Variants in SNX7 observed in about 807,000 individuals in gnomAD.
SNX7 encodes the protein sorting nexin 7.
A neutral mutation model predicts 48.4 loss-of-function variants in SNX7; 35 were observed. That is an observed-to-expected ratio of 0.72 (90% CI 0.55 to 0.96). SNX7 has a LOEUF of 0.96. Among genes scored for constraint, SNX7 ranks in the 40% least tolerant of loss-of-function variants. SNX7 has a pLI of 0.00. For synonymous variants in SNX7, 190 were observed against 190.2 expected (o/e 1.00, Z 0.01); for missense variants, 553 against 548.9 (o/e 1.01, Z -0.07).
At chr1:98,723,490 A>G (rs1437387319) in intron 7 of SNX7, among the ~76,000 whole-genome samples, 4 of 152,154 alleles carry the variant, frequency 2.6e-5, no homozygotes, top group Admixed American at 6.5e-5. Context: ...AGAGAAAAGT[A>G]ATTCACTTTT....
At chr1:98,726,597 T>G (rs1429097398) in intron 7 of SNX7, among the ~76,000 whole-genome samples, 3 of 152,204 alleles carry the variant, frequency 2.0e-5, no homozygotes, top group East Asian at 1.9e-4. Context: ...TTTCATCAAG[T>G]GAATATTTAG....
rs1650701711 is a variant in SNX7 at position 98,684,885 on chromosome 1, G to T, written c.181G>T (p.Asp61Tyr). 4 of 1,478,814 alleles carry T rather than the reference G, an allele frequency of 2.7e-6. No individual in the cohort carries two copies. The highest frequency in any genetic ancestry group is 2.2e-5 in the Admixed American group (1 of 45,756). 91.6% of individuals were successfully genotyped at this position (1,478,814 alleles called of 1,614,324 possible). A position where few individuals can be genotyped will look rare whatever the true frequency, so the allele number is the denominator to read the frequency against. Residue 61 changes from aspartate to tyrosine, a missense_variant and splice_region_variant, in exon 2 of 9, where the codon GAT (aspartate) becomes TAT (tyrosine). By Grantham distance (160) the Asp-to-Tyr change is radical (BLOSUM62 -3). Transcript: ENST00000306121. ...AATTTTTGAATGTTTTATTTCTTAG[G>T]ATGCCTCATTGATGGACATGAACTC... is the stretch of plus-strand genomic sequence containing the variant. ...DEDDLEVFSK[D>Y]ASLMDMNSFS...
rs57705068 is a variant in SNX7, at chr1:98,672,930, C to CAAAAAA, written c.180+11036_180+11041dup. On this transcript the variant is annotated intron_variant, in intron 1 of 8. Coordinates refer to ENST00000306121, the MANE Select transcript of SNX7 (RefSeq NM_015976.5). The stretch of plus-strand genomic sequence containing the variant: ...TGGGCGACAGAGCGAGACTCCGTCT[C>CAAAAAA]AAAAAAAAAAAAAAAAAAAAAAGAA... 2.9e-3 allele frequency among the ~76,000 whole-genome samples: 257 copies of CAAAAAA among 88,458 alleles called. 3 individuals carry two copies. Among genetic ancestry groups the CAAAAAA allele is most frequent in the Middle Eastern group, 8.3e-3 (1 of 120 alleles). 58.0% of individuals were successfully genotyped at this position (88,458 alleles called of 152,430 possible).
intron 2 of SNX7, among the ~76,000 whole-genome samples, chr1:98,689,859 G>C (rs1191140988): frequency 6.6e-6 from 1 of 152,096 alleles, no homozygotes; most frequent in East Asian, 1.9e-4. Flanking sequence ...TCCATATCAT[G>C]TACCATGTTG....
rs1470734247 is a variant in SNX7, at chr1:98,662,624, A to C, written c.180+713A>C. On this transcript the variant is annotated intron_variant, in intron 1 of 8. Coordinates refer to ENST00000306121, the MANE Select transcript of SNX7 (RefSeq NM_015976.5). ...ATTGACTTGTGGGGGCTAGTGGTAG[A>C]CTTTTGGTACGTGTAGACTGGTGTT... The C allele has an allele frequency of 3.2e-6, 4 of 1,238,504 alleles. No individual in the cohort carries two copies. In the African/African-American group the frequency reaches 6.2e-5, roughly 19 times the overall value. The allele number at this position is 1,238,504 out of a possible 1,614,324, so 76.7% of individuals were successfully genotyped here.
intron 2 of SNX7, among the ~76,000 whole-genome samples, chr1:98,688,715 C>T (rs1322952054): frequency 2.0e-5 from 3 of 152,132 alleles, no homozygotes; most frequent in Non-Finnish European, 4.4e-5. Flanking sequence ...CTTTTATGGT[C>T]AAACATGAAA....
intron 1 of SNX7, among the ~76,000 whole-genome samples, chr1:98,677,534 TAA>T (rs1258258738): frequency 6.6e-6 from 1 of 152,006 alleles, no homozygotes; most frequent in Admixed American, 6.5e-5. Flanking sequence ...AAAAGAGTTA[TAA>T]ATATGGAAAA....
Position 98,713,213 on chromosome 1 carries a change from T to C in SNX7, c.1125+11310T>C, listed in dbSNP as rs1393276293. Among the ~76,000 whole-genome samples the C allele has an allele frequency of 2.0e-5, 3 of 152,204 alleles. No homozygotes were observed. The East Asian group carries it at 5.8e-4, about 29-fold the overall frequency. On this transcript the variant is annotated intron_variant, in intron 7 of 8. Transcript: ENST00000306121. ...CTTGTTATAACTTGTACATCAGCAT[T>C]TGTTGCTTCATCTGGCATTTTTATC...
chr1:98,705,595 C>A (rs2100981992), intron 7 of SNX7, among the ~76,000 whole-genome samples: 1 of 152,194 alleles, frequency 6.6e-6, no homozygotes, highest in South Asian at 2.1e-4. Context: ...TGGAATTATT[C>A]ATTGCAAAGC....
chr1:98,712,651 T>C (rs1652375451), intron 7 of SNX7, among the ~76,000 whole-genome samples: 1 of 152,174 alleles, frequency 6.6e-6, no homozygotes, highest in Non-Finnish European at 1.5e-5. Flanking sequence ...GCACTAGGAT[T>C]ATCAGAATGG....
chr1:98,719,360 C>G (rs1374430170), intron 7 of SNX7, among the ~76,000 whole-genome samples: 1 of 152,108 alleles, frequency 6.6e-6, no homozygotes, highest in East Asian at 1.9e-4. Context: ...CACCCGCAGT[C>G]TTGTTAAGGG....
At chr1:98,731,153 T>TTC (rs1653487821) in intron 7 of SNX7, among the ~76,000 whole-genome samples, 1 of 149,058 alleles carries the variant, frequency 6.7e-6, no homozygotes, top group African/African-American at 2.5e-5. Context: ...ATTCCTGCCT[T>TTC]TTTTTTTTTT....
At chr1:98,664,093 A>G (rs747943924) in intron 1 of SNX7, among the ~76,000 whole-genome samples, 5 of 152,178 alleles carry the variant, frequency 3.3e-5, no homozygotes, top group Admixed American at 6.5e-5. Flanking sequence ...TGTTCAGCCT[A>G]TCCTAGGATG....
chr1:98,756,421 A>AGTT (rs1654852138), intron 8 of SNX7, among the ~76,000 whole-genome samples: 2 of 38,536 alleles, frequency 5.2e-5, no homozygotes, highest in South Asian at 9.0e-4. Context: ...CTGCCAGATG[A>AGTT]GTTTTTTTTT....
chr1:98,667,565 A>G (rs1289184041), intron 1 of SNX7, among the ~76,000 whole-genome samples: 3 of 151,158 alleles, frequency 2.0e-5, no homozygotes, highest in Non-Finnish European at 4.4e-5. Context: ...TATTTTTAGT[A>G]GAGATGGGGT....
intron 8 of SNX7, among the ~76,000 whole-genome samples, chr1:98,751,733 A>G (rs1318710783): frequency 6.6e-6 from 1 of 152,016 alleles, no homozygotes. Flanking sequence ...AGAGCACTGG[A>G]AAAAACACAG....
chr1:98,662,900 C>G (rs987907165), intron 1 of SNX7: 97 of 1,199,328 alleles, frequency 8.1e-5, no homozygotes, highest in Admixed American at 8.0e-5. Context: ...TACTCTGACT[C>G]CAAAGAGGAG....
chr1:98,672,495 C>T, intron 1 of SNX7, among the ~76,000 whole-genome samples: 1 of 150,362 alleles, frequency 6.7e-6, no homozygotes, highest in East Asian at 2.0e-4. Context: ...TCATTAGGAA[C>T]AATCAGACCA....
intron 8 of SNX7, among the ~76,000 whole-genome samples, chr1:98,741,501 A>G (rs72726153): frequency 0.061 from 9,242 of 152,252 alleles, 407 homozygotes; most frequent in Middle Eastern, 0.11. Flanking sequence ...GTCTCAAATG[A>G]AACTTTTACT....
Sources: allele counts gnomAD v4.1 joint callset (sites outside exome capture counted in the v4.1 genomes callset), GRCh38; gene constraint gnomAD v4.1.1; transcripts MANE v1.5; gene names NCBI Gene and HGNC (gene_info 2026-07-23, HGNC 2026-07-21).